The following DST variants were observed in gnomAD, a reference collection of about 807,000 sequenced individuals.
DST encodes the protein dystonin, also known as bullous pemphigoid antigen.
DST carries 253 observed loss-of-function variants against 875.2 expected under a neutral mutation model. The ratio of observed to expected loss-of-function variants is 0.29; its 90% CI spans 0.26 to 0.32. The LOEUF (loss-of-function observed/expected upper bound fraction) is 0.32. Among genes scored for constraint, DST ranks in the 10% least tolerant of loss-of-function variants. The pLI, the probability that DST is intolerant of heterozygous loss-of-function variation, is 1.00. For synonymous variants in DST, 3,124 were observed against 3,197.1 expected, an observed-to-expected ratio of 0.98 and a Z score of 0.77; for missense variants, 8,287 against 9,111.6, an observed-to-expected ratio of 0.91 and a Z score of 3.68.
At chr6:56,764,257 C>T (rs1347288910) in intron 4 of DST, among the ~76,000 whole-genome samples, 1 of 152,154 alleles carries the variant, frequency 6.6e-6, no homozygotes, top group South Asian at 2.1e-4. Context: ...AAATGCAAGT[C>T]ACCAACAAGC....
In DST at chr6:56,473,885, C is replaced by T; in HGVS notation, c.21982G>A (p.Gly7328Arg). The change falls in exon 93 of 104, where the codon GGA becomes AGA. Residue 7328 changes from glycine (G) to arginine (R), a missense_variant. Gly to Arg is a moderately radical substitution (Grantham distance 125). Around this residue, in one of 10 missense-constraint regions of DST, gnomAD observed 1,292 missense variants for 1,552.7 expected, o/e 0.83. Transcript: ENST00000680361. ...GATCACTGCTTACTTCCTGCTCGTCCCTTATCCAAGACTGGAATATGGGAT... is the reference window on the plus strand; with the variant it reads ...GATCACTGCTTACTTCCTGCTCGTCTCTTATCCAAGACTGGAATATGGGAT... Reference protein sequence around the residue: ...LQSHIPVLDKGRAGRKRFPAS... With the variant: ...LQSHIPVLDKRRAGRKRFPAS... 1 of 1,599,642 alleles carries T rather than the reference C, an allele frequency of 6.3e-7. No homozygotes were observed. Among genetic ancestry groups the T allele is most frequent in the Non-Finnish European group, 8.5e-7 (1 of 1,171,970 alleles).
intron 5 of DST, among the ~76,000 whole-genome samples, chr6:56,720,638 A>G (rs551819979): frequency 6.6e-6 from 1 of 152,286 alleles, no homozygotes; most frequent in African/African-American, 2.4e-5. Flanking sequence ...CTGAGTGGAC[A>G]CAGCACATGT....
intron 3 of DST, among the ~76,000 whole-genome samples, chr6:56,853,566 C>G (rs1766359150): frequency 6.6e-6 from 1 of 152,078 alleles, no homozygotes; most frequent in South Asian, 2.1e-4. Context: ...GTTACCTGTA[C>G]TATTTTAGTG....
intron 55 of DST, among the ~76,000 whole-genome samples, chr6:56,563,549 T>A (rs909120820): frequency 6.6e-6 from 1 of 152,248 alleles, no homozygotes; most frequent in African/African-American, 2.4e-5. Flanking sequence ...TTCACTCTGA[T>A]GATAGTTTCT....
intron 87 of DST, among the ~76,000 whole-genome samples, chr6:56,486,794 T>C (rs1010387025): frequency 2.0e-5 from 3 of 152,116 alleles, no homozygotes; most frequent in African/African-American, 4.8e-5. Context: ...AGTAGTTATG[T>C]AGAAATTAAG....
intron 4 of DST, among the ~76,000 whole-genome samples, chr6:56,750,919 T>G (rs1381627224): frequency 6.6e-6 from 1 of 152,096 alleles, no homozygotes; most frequent in Non-Finnish European, 1.5e-5. Context: ...TAGCACTGAC[T>G]ATATGCCAGG....
chr6:56,592,383 TAGG>T (rs770199183), intron 48 of DST, 25 bp from the exon 49 acceptor site: 4 of 1,552,714 alleles, frequency 2.6e-6, no homozygotes, highest in African/African-American at 1.4e-5. Context: ...AGAAAAGGGG[TAGG>T]AGATTAAAAC....
intron 4 of DST, among the ~76,000 whole-genome samples, chr6:56,770,219 T>G (rs543119945): frequency 8.5e-5 from 13 of 152,202 alleles, no homozygotes; most frequent in African/African-American, 2.9e-4. Context: ...GTAAAGAAAC[T>G]GGGGTACAGA....
rs182026226 is a variant in DST at position 56,883,876 on chromosome 6, A to T, written c.417+16545T>A. On this transcript the variant is annotated intron_variant, in intron 3 of 103. Transcript: ENST00000680361. ...ATAATAATTATTTTTAATAAAATAA[A>T]AATACCATTATCAATCTAAAATATT... 5.0e-3 allele frequency among the ~76,000 whole-genome samples: 756 copies of T among 152,246 alleles called. 5 individuals are homozygous for T. The highest frequency in any genetic ancestry group is 9.3e-3 in the South Asian group (45 of 4,822).
intron 2 of DST, among the ~76,000 whole-genome samples, chr6:56,905,005 G>A (rs1277374688): frequency 6.6e-6 from 1 of 152,164 alleles, no homozygotes; most frequent in Non-Finnish European, 1.5e-5. Context: ...GGCCAGTATG[G>A]TCTTGATCTC....
In DST at chr6:56,509,893, A is replaced by C; in HGVS notation, c.18781-20T>G. ...ATGGAACTAGGGGCAAAACAAAGAG[A>C]TCTTTTATGGAAAAAAGATCTGTAA... On this transcript the variant is annotated intron_variant, in intron 73 of 103. Coordinates refer to ENST00000680361, the MANE Select transcript of DST (RefSeq NM_001374736.1). 6.5e-7 allele frequency: 1 copy of C among 1,536,622 alleles called. No homozygotes were observed.
At chr6:56,871,614 T>A in intron 3 of DST, 1 of 767,824 alleles carries the variant, frequency 1.3e-6, no homozygotes, top group South Asian at 1.3e-5. Context: ...ATACATGAGC[T>A]CTCTCTGCCA....
At chr6:56,653,695 C>T (rs1157201243) in intron 10 of DST, among the ~76,000 whole-genome samples, 1 of 151,968 alleles carries the variant, frequency 6.6e-6, no homozygotes, top group Non-Finnish European at 1.5e-5. Flanking sequence ...CAAAAAAACA[C>T]AAAAAACCAC....
In DST at chr6:56,606,861, G is replaced by C; in HGVS notation, c.7767C>G (p.Asp2589Glu). The C allele has an allele frequency of 1.5e-5, 24 of 1,613,284 alleles. No individual in the cohort carries two copies. Among genetic ancestry groups the C allele is most frequent in the Non-Finnish European group, 1.9e-5 (23 of 1,179,552 alleles). Residue 2589 changes from aspartate (D) to glutamate (E), a missense_variant, in exon 40 of 104, where the codon GAC becomes GAG. Coordinates refer to ENST00000680361, the MANE Select transcript of DST (RefSeq NM_001374736.1). ...PLLDETISAS[D>E]YETSLLNDQQ... ...GATCATTCAGCAGTGACGTTTCATA[G>C]TCACTAGCACTGATGGTTTCATCAA...
At chr6:56,532,990 C>CCAAGTTCA (rs1458476086) in intron 63 of DST, among the ~76,000 whole-genome samples, 1 of 152,142 alleles carries the variant, frequency 6.6e-6, no homozygotes, top group African/African-American at 2.4e-5. Context: ...AAGACTCAGC[C>CCAAGTTCA]CAAGTTCACA....
intron 44 of DST, among the ~76,000 whole-genome samples, 176 bp from the exon 45 acceptor site, chr6:56,600,397 C>T (rs2152701796): frequency 6.6e-6 from 1 of 152,162 alleles, no homozygotes; most frequent in Non-Finnish European, 1.5e-5. Flanking sequence ...AAAATATGAG[C>T]ATATCCCATA....
chr6:56,459,712 C>G (rs748333378), intron 103 of DST, among the ~76,000 whole-genome samples: 1 of 152,148 alleles, frequency 6.6e-6, no homozygotes, highest in Non-Finnish European at 1.5e-5. Flanking sequence ...TTTAAAGAGG[C>G]TTCTTGCTTG....
At position 56,598,508 on chromosome 6, in the gene DST, C is replaced by G; in HGVS notation, c.11896G>C (p.Val3966Leu). 2 of 1,583,484 alleles carry G rather than the reference C, an allele frequency of 1.3e-6. No homozygotes were observed. The highest frequency in any genetic ancestry group is 1.7e-6 in the Non-Finnish European group (2 of 1,164,828). Residue 3966 changes from valine (V) to leucine (L), a missense_variant, in exon 46 of 104, where the codon GTG becomes CTG. By Grantham distance (32) the Val-to-Leu change is conservative. This residue lies in a region of DST where 1,513 missense variants were observed against 1,677.8 expected (regional missense o/e 0.90). Coordinates refer to ENST00000680361, the MANE Select transcript of DST (RefSeq NM_001374736.1). ...GTTTCTTCCTTGATTGCTGTTGTCACAACTTTATCCAGCTCCTTTTTAGAC... is the reference window on the plus strand; with the variant it reads ...GTTTCTTCCTTGATTGCTGTTGTCAGAACTTTATCCAGCTCCTTTTTAGAC... ...EQSKKELDKV[V>L]TTAIKEETEK...
At chr6:56,492,511 C>T (rs982905820) in intron 84 of DST, 78 bp from the exon 85 acceptor site, 6 of 1,387,056 alleles carry the variant, frequency 4.3e-6, no homozygotes, top group East Asian at 2.3e-5. Flanking sequence ...GTGTCATAAA[C>T]CTGAAATTAT....
Sources: gnomAD v4.1 joint callset for allele counts (sites outside exome capture counted in the v4.1 genomes callset) on GRCh38, gnomAD v4.1.1 for gene constraint, gnomAD v4.1.1 regional missense constraint, MANE v1.5 for transcripts, NCBI Gene and HGNC (gene_info 2026-07-23, HGNC 2026-07-21) for gene names.